Variants in CSMD1 observed in about 807,000 individuals in gnomAD.
CSMD1 encodes the protein CUB and Sushi multiple domains 1, also known as CUB and sushi domain-containing protein 1.
A neutral mutation model predicts 417.5 loss-of-function variants in CSMD1; 213 were observed. The observed-to-expected ratio is 0.51, with a 90% CI of 0.46 to 0.57. The LOEUF (loss-of-function observed/expected upper bound fraction) is 0.57, where lower values mean the gene tolerates loss of function less well. CSMD1 is among the 20% of genes least tolerant of loss of function. The probability of loss-of-function intolerance (pLI) is 0.00; values close to 1 mark genes in which losing one functional copy is unlikely to be tolerated. For synonymous variants in CSMD1, 2,862 were observed against 1,736.8 expected (o/e 1.65, Z -16.11); for missense variants, 6,923 against 4,529.7 (o/e 1.53, Z -15.17).
intron 2 of CSMD1, among the ~76,000 whole-genome samples, chr8:4,624,227 A>G (rs185941490): frequency 6.6e-6 from 1 of 152,270 alleles, no homozygotes; most frequent in East Asian, 1.9e-4. Flanking sequence ...AGCCCCTGAT[A>G]ACGTGCAAGT....
Position 3,817,252 on chromosome 8 carries a change from C to CTTTTTTTTTTTTTTTTTTTTTTT in CSMD1, c.819-63233_819-63211dup, listed in dbSNP as rs767668610. Among the ~76,000 whole-genome samples, 3 of 54,390 alleles carry CTTTTTTTTTTTTTTTTTTTTTTT rather than the reference C, an allele frequency of 5.5e-5. 1 individual carries two copies. The highest frequency in any genetic ancestry group is 1.0e-4 in the Non-Finnish European group (3 of 29,154). The allele number at this position is 54,390 out of a possible 152,430, so 35.7% of individuals were successfully genotyped here. On this transcript the variant is annotated intron_variant, in intron 5 of 69. Transcript: ENST00000635120. ...TCCAAAGTGGTCATATCTTCTTCTT[C>CTTTTTTTTTTTTTTTTTTTTTTT]TTTTTTTTTTTTTTTTTTTTTTTTT...
intron 68 of CSMD1, among the ~76,000 whole-genome samples, chr8:2,948,222 C>T (rs1323464077): frequency 6.6e-6 from 1 of 152,088 alleles, no homozygotes; most frequent in Non-Finnish European, 1.5e-5. Flanking sequence ...GCAAAAAGAG[C>T]TGTAGCATGC....
chr8:4,786,636 T>C (rs1199173613), intron 1 of CSMD1, among the ~76,000 whole-genome samples: 1 of 152,230 alleles, frequency 6.6e-6, no homozygotes, highest in Non-Finnish European at 1.5e-5. Context: ...CTCTCTGATC[T>C]GAGCCTGAAT....
At chr8:3,455,547 G>T (rs922214650) in intron 12 of CSMD1, among the ~76,000 whole-genome samples, 1 of 152,214 alleles carries the variant, frequency 6.6e-6, no homozygotes, top group Non-Finnish European at 1.5e-5. Context: ...ACCCTCAGCT[G>T]CAGGTCTGTT....
intron 1 of CSMD1, among the ~76,000 whole-genome samples, chr8:4,764,601 A>C: frequency 6.6e-6 from 1 of 152,072 alleles, no homozygotes. Context: ...TTTTCTAAAA[A>C]AGAGTGGAAA....
chr8:4,734,954 G>C (rs960857391), intron 1 of CSMD1, among the ~76,000 whole-genome samples: 1 of 152,118 alleles, frequency 6.6e-6, no homozygotes, highest in African/African-American at 2.4e-5. Flanking sequence ...TTATGGCCTG[G>C]GATTCTGGGA....
At chr8:4,582,932 G>C (rs1038389573) in intron 2 of CSMD1, among the ~76,000 whole-genome samples, 2 of 152,206 alleles carry the variant, frequency 1.3e-5, no homozygotes, top group African/African-American at 2.4e-5. Context: ...GCAGCTGGCC[G>C]GCCCTGCCGG....
At chr8:4,020,720 G>C (rs1796747403) in intron 4 of CSMD1, among the ~76,000 whole-genome samples, 2 of 152,168 alleles carry the variant, frequency 1.3e-5, no homozygotes, top group South Asian at 4.1e-4. Flanking sequence ...GTTCCTCAAA[G>C]TCTTCTGTAA....
chr8:4,246,491 T>A (rs1440255022), intron 3 of CSMD1, among the ~76,000 whole-genome samples: 1 of 152,276 alleles, frequency 6.6e-6, no homozygotes, highest in East Asian at 1.9e-4. Flanking sequence ...GAGATAAGAG[T>A]TTTTAAAGAA....
intron 2 of CSMD1, among the ~76,000 whole-genome samples, chr8:4,569,240 T>C (rs913611646): frequency 6.6e-6 from 1 of 152,196 alleles, no homozygotes; most frequent in Non-Finnish European, 1.5e-5. Flanking sequence ...CTGAATGGTA[T>C]TGCCTAGGTT....
chr8:4,847,227 A>G (rs1422368837), intron 1 of CSMD1, among the ~76,000 whole-genome samples: 1 of 152,250 alleles, frequency 6.6e-6, no homozygotes, highest in Non-Finnish European at 1.5e-5. Flanking sequence ...TAATGCTTAA[A>G]GTAATAATGC....
chr8:3,712,430 CAGACAGACAGACAGAGAGAG>C (rs1347209797), intron 6 of CSMD1, among the ~76,000 whole-genome samples: 6 of 125,684 alleles, frequency 4.8e-5, no homozygotes, highest in African/African-American at 8.2e-5. Context: ...GACAGACAGA[CAGACAGACAGACAGAGAGAG>C]AGAGAAACTA....
intron 3 of CSMD1, among the ~76,000 whole-genome samples, chr8:4,135,366 AGGGGAAAGTGGGAAAGAGG>A: frequency 7.7e-6 from 1 of 130,266 alleles, no homozygotes; most frequent in Non-Finnish European, 1.6e-5. Context: ...GAGGGAAGGA[AGGGGAAAGTGGGAAAGAGG>A]GGGAAGGAAG....
chr8:4,888,435 T>A (rs2164901), intron 1 of CSMD1, among the ~76,000 whole-genome samples: 1 of 151,660 alleles, frequency 6.6e-6, no homozygotes, highest in Non-Finnish European at 1.5e-5. Context: ...ACACAACATA[T>A]GATATACATA....
At chr8:3,701,872 C>T (rs903462456) in intron 7 of CSMD1, among the ~76,000 whole-genome samples, 1 of 152,168 alleles carries the variant, frequency 6.6e-6, no homozygotes, top group Non-Finnish European at 1.5e-5. Flanking sequence ...GATGGAACCA[C>T]TGTGTGTCGT....
chr8:4,605,938 C>G (rs1238036473), intron 2 of CSMD1, among the ~76,000 whole-genome samples: 1 of 151,960 alleles, frequency 6.6e-6, no homozygotes, highest in African/African-American at 2.4e-5. Context: ...ATTTTTATGA[C>G]GAGGATGTGT....
chr8:3,385,310 G>C (rs886180799), intron 18 of CSMD1, among the ~76,000 whole-genome samples: 1 of 144,648 alleles, frequency 6.9e-6, no homozygotes, highest in Admixed American at 7.3e-5. Flanking sequence ...TACATTTCTT[G>C]CTAGATATAT....
At chr8:3,269,323 C>A (rs554830006) in intron 26 of CSMD1, among the ~76,000 whole-genome samples, 1 of 152,304 alleles carries the variant, frequency 6.6e-6, no homozygotes, top group South Asian at 2.1e-4. Context: ...CAGAGGGGAG[C>A]GATGGCTCCA....
At chr8:4,774,849 T>A (rs1340663290) in intron 1 of CSMD1, among the ~76,000 whole-genome samples, 2 of 152,174 alleles carry the variant, frequency 1.3e-5, no homozygotes, top group Non-Finnish European at 2.9e-5. Flanking sequence ...TGTGAAGTGT[T>A]GATTCCTTGT....
Sources: allele counts gnomAD v4.1 joint callset (sites outside exome capture counted in the v4.1 genomes callset), GRCh38; gene constraint gnomAD v4.1.1; transcripts MANE v1.5; gene names NCBI Gene and HGNC (gene_info 2026-07-23, HGNC 2026-07-21).